KLF9: variants seen among roughly 807,000 people sequenced by gnomAD.
KLF9 encodes Krueppel-like factor 9.
Under a neutral mutation model 17.3 loss-of-function variants are expected in KLF9, and 2 were observed. The ratio of observed to expected loss-of-function variants is 0.12; its 90% CI spans 0.05 to 0.36. The LOEUF is 0.36. Ranked by LOEUF, KLF9 falls within the 10% of genes least tolerant of loss-of-function variation. The pLI is 1.00. For synonymous variants in KLF9, 138 were observed against 139.2 expected, an observed-to-expected ratio of 0.99 and a Z score of 0.06; for missense variants, 226 against 333.2, an observed-to-expected ratio of 0.68 and a Z score of 2.51.
At chr9:70,411,716 C>T (rs1278605098) in intron 1 of KLF9, among the ~76,000 whole-genome samples, 1 of 152,176 alleles carries the variant, frequency 6.6e-6, no homozygotes, top group Non-Finnish European at 1.5e-5. Context: ...AAGACCTCAT[C>T]TTAAAAGTAT....
chr9:70,409,068 A>ATGTG (rs201776216), intron 1 of KLF9, among the ~76,000 whole-genome samples: 1 of 69,062 alleles, frequency 1.4e-5, no homozygotes, highest in African/African-American at 3.8e-5. Flanking sequence ...GTGTATATAT[A>ATGTG]TGTGTATATA....
intron 1 of KLF9, among the ~76,000 whole-genome samples, chr9:70,401,353 A>C (rs911961497): frequency 6.6e-6 from 1 of 151,422 alleles, no homozygotes; most frequent in Non-Finnish European, 1.5e-5. Flanking sequence ...TCTCAGGAAA[A>C]CCAGCCTGGC....
At chr9:70,412,492 C>G (rs1485463111) in intron 1 of KLF9, among the ~76,000 whole-genome samples, 1 of 152,168 alleles carries the variant, frequency 6.6e-6, no homozygotes. Flanking sequence ...ATAAAAGATA[C>G]GCCATCTGAC....
intron 1 of KLF9, among the ~76,000 whole-genome samples, chr9:70,398,557 C>T (rs903621771): frequency 6.6e-5 from 10 of 150,746 alleles, no homozygotes; most frequent in Admixed American, 3.3e-4. Context: ...GGCACGATCT[C>T]GGCTCACTGC....
intron 1 of KLF9, among the ~76,000 whole-genome samples, chr9:70,411,066 T>C (rs1224917723): frequency 6.6e-6 from 1 of 152,164 alleles, no homozygotes; most frequent in East Asian, 1.9e-4. Context: ...ACTTGCCTTA[T>C]GGAGAATTAA....
At position 70,386,044 on chromosome 9, in the gene KLF9, A is replaced by G. The variant is rs2037108557; in HGVS notation, c.*1732T>C. On this transcript the variant is annotated 3_prime_UTR_variant, in exon 2 of 2. Coordinates refer to ENST00000377126, the MANE Select transcript of KLF9 (RefSeq NM_001206.4). ...CCACACTGATTCTGAATCAGAAACG[A>G]GTATGGGTCAGGTGAAATAGGTAGG... The G allele has an allele frequency of 6.6e-6, 1 of 152,428 alleles. No individual in the cohort carries two copies. The highest frequency in any genetic ancestry group is 2.4e-5 in the African/African-American group (1 of 41,444). The allele number at this position is 152,428 out of a possible 1,614,324, so 9.4% of individuals were successfully genotyped here. A position where few individuals can be genotyped will look rare whatever the true frequency, so the allele number is the denominator to read the frequency against.
intron 1 of KLF9, among the ~76,000 whole-genome samples, chr9:70,391,283 TTAAG>T (rs1412485664): frequency 6.6e-6 from 1 of 152,326 alleles, no homozygotes; most frequent in Non-Finnish European, 1.5e-5. Flanking sequence ...AGGAGAACTA[TTAAG>T]TTTCTATGCT....
chr9:70,402,817 G>A (rs1207251096), intron 1 of KLF9, among the ~76,000 whole-genome samples: 2 of 152,136 alleles, frequency 1.3e-5, no homozygotes, highest in African/African-American at 4.8e-5. Flanking sequence ...CTCTCATTTT[G>A]TCAAACTCTG....
At chr9:70,399,186 A>G (rs1342743823) in intron 1 of KLF9, among the ~76,000 whole-genome samples, 2 of 152,224 alleles carry the variant, frequency 1.3e-5, no homozygotes, top group Non-Finnish European at 1.5e-5. Context: ...AACTAAAAAT[A>G]GTGCAGAGGC....
intron 1 of KLF9, among the ~76,000 whole-genome samples, chr9:70,409,104 GTATATATATACATATATGTA>G (rs1343363331): frequency 1.4e-5 from 1 of 72,328 alleles, no homozygotes; most frequent in Non-Finnish European, 3.4e-5. Flanking sequence ...ATATATATGT[GTATATATATACATATATGTA>G]TATATGTATA....
At chr9:70,398,073 G>A (rs772100037) in intron 1 of KLF9, among the ~76,000 whole-genome samples, 1 of 152,198 alleles carries the variant, frequency 6.6e-6, no homozygotes, top group Non-Finnish European at 1.5e-5. Flanking sequence ...GCATGTAGAT[G>A]TTCTGAACGA....
intron 1 of KLF9, among the ~76,000 whole-genome samples, chr9:70,410,033 T>C (rs2037298324): frequency 6.6e-6 from 1 of 152,214 alleles, no homozygotes; most frequent in South Asian, 2.1e-4. Flanking sequence ...GACTTGAGGA[T>C]AGTAGCCCTA....
chr9:70,410,878 G>C (rs1026883023), intron 1 of KLF9, among the ~76,000 whole-genome samples: 3 of 152,082 alleles, frequency 2.0e-5, no homozygotes, highest in Admixed American at 6.5e-5. Flanking sequence ...ATTAACCCAG[G>C]CTGAGGTTTT....
At chr9:70,395,900 A>G (rs1587739627) in intron 1 of KLF9, among the ~76,000 whole-genome samples, 2 of 152,170 alleles carry the variant, frequency 1.3e-5, no homozygotes, top group Admixed American at 1.3e-4. Flanking sequence ...GTGTCACTGC[A>G]CTCCAGTCTG....
intron 1 of KLF9, 110 bp downstream of exon 1, chr9:70,412,749 A>G: frequency 9.9e-7 from 1 of 1,006,196 alleles, no homozygotes; most frequent in South Asian, 1.6e-5. Flanking sequence ...ATCTTATCCA[A>G]CATGTTTGCA....
At chr9:70,394,219 AC>A (rs1301248948) in intron 1 of KLF9, among the ~76,000 whole-genome samples, 1 of 151,968 alleles carries the variant, frequency 6.6e-6, no homozygotes, top group African/African-American at 2.4e-5. Flanking sequence ...CCCCAACTCT[AC>A]AAAAGAAATG....
rs182216216 is a variant in KLF9 at position 70,386,569 on chromosome 9, G to T, written c.*1207C>A. The T allele has an allele frequency of 6.5e-6, 1 of 152,702 alleles. No homozygotes were observed. Among genetic ancestry groups the T allele is most frequent in the Non-Finnish European group, 1.5e-5 (1 of 68,020 alleles). The allele number at this position is 152,702 out of a possible 1,614,324, so 9.5% of individuals were successfully genotyped here. A position where few individuals can be genotyped will look rare whatever the true frequency, so the allele number is the denominator to read the frequency against. On this transcript the variant is annotated 3_prime_UTR_variant, in exon 2 of 2. Transcript: ENST00000377126. ...ATAACTCTTGCACCTGAGAGTGGGA[G>T]TTTTGTAGGAACACAGGAAGGAGAC...
chr9:70,401,019 A>G (rs1472006961), intron 1 of KLF9, among the ~76,000 whole-genome samples: 1 of 152,010 alleles, frequency 6.6e-6, no homozygotes, highest in Non-Finnish European at 1.5e-5. Flanking sequence ...TTTAGGAGCA[A>G]GCAGGGCTTT....
At chr9:70,401,684 C>CAA (rs1281922820) in intron 1 of KLF9, among the ~76,000 whole-genome samples, 1 of 50,928 alleles carries the variant, frequency 2.0e-5, no homozygotes, top group Admixed American at 2.3e-4. Context: ...AAGACTCCTT[C>CAA]ACAAAAAAAA....
Sources: allele counts gnomAD v4.1 joint callset (sites outside exome capture counted in the v4.1 genomes callset), GRCh38; gene constraint gnomAD v4.1.1; transcripts MANE v1.5; gene names NCBI Gene and HGNC (gene_info 2026-07-23, HGNC 2026-07-21).